Variants in UNC5D observed in about 807,000 individuals in gnomAD.
UNC5D encodes netrin receptor UNC5D.
UNC5D carries 39 observed loss-of-function variants against 105.4 expected under a neutral mutation model. The observed-to-expected ratio is 0.37, with a 90% CI of 0.29 to 0.48. UNC5D has a LOEUF of 0.48. Ranked by LOEUF, UNC5D falls within the 20% of genes least tolerant of loss-of-function variation. The pLI is 0.98. For missense variants in UNC5D, 991 were observed against 1,202.4 expected (o/e 0.82, Z 2.60); for synonymous variants, 452 against 450.4 (o/e 1.00, Z -0.04).
intron 2 of UNC5D, among the ~76,000 whole-genome samples, chr8:35,566,065 T>C (rs377571740): frequency 1.3e-5 from 2 of 152,138 alleles, no homozygotes; most frequent in African/African-American, 4.8e-5. Context: ...GATTTAGGAG[T>C]TGGCTTTCTG....
chr8:35,270,005 G>C (rs1805165778), intron 1 of UNC5D, among the ~76,000 whole-genome samples: 1 of 152,152 alleles, frequency 6.6e-6, no homozygotes, highest in Non-Finnish European at 1.5e-5. Context: ...GTTTGGAGTA[G>C]GATGGGAGAA....
At chr8:35,429,205 A>G (rs1806458742) in intron 1 of UNC5D, among the ~76,000 whole-genome samples, 1 of 152,182 alleles carries the variant, frequency 6.6e-6, no homozygotes, top group Admixed American at 6.5e-5. Context: ...ATAATGAAGA[A>G]CTAAGGAATC....
chr8:35,527,935 A>G (rs1377409922), intron 1 of UNC5D, among the ~76,000 whole-genome samples: 3 of 152,078 alleles, frequency 2.0e-5, no homozygotes, highest in Admixed American at 1.3e-4. Flanking sequence ...CGAATTGAGC[A>G]TCAGAATTTC....
At chr8:35,556,154 A>G (rs554177909) in intron 2 of UNC5D, among the ~76,000 whole-genome samples, 1 of 152,304 alleles carries the variant, frequency 6.6e-6, no homozygotes, top group African/African-American at 2.4e-5. Flanking sequence ...GTGTACAGCA[A>G]TTGCTCAGTC....
At chr8:35,708,737 C>G (rs1827758758) in intron 8 of UNC5D, among the ~76,000 whole-genome samples, 1 of 152,150 alleles carries the variant, frequency 6.6e-6, no homozygotes, top group Non-Finnish European at 1.5e-5. Flanking sequence ...TATACAGTCT[C>G]TCTTCATCTC....
intron 1 of UNC5D, among the ~76,000 whole-genome samples, chr8:35,330,454 A>G (rs1184534303): frequency 2.0e-5 from 3 of 152,230 alleles, no homozygotes; most frequent in African/African-American, 7.2e-5. Context: ...TAATAAAACC[A>G]GAAGTGGTGA....
In UNC5D at chr8:35,683,443, T is replaced by G. The variant is rs1184573141; in HGVS notation, c.571-104T>G. 5 of 1,177,870 alleles carry G rather than the reference T, an allele frequency of 4.2e-6. No homozygotes were observed. In the African/African-American group the frequency reaches 6.5e-5, roughly 15 times the overall value. The allele number at this position is 1,177,870 out of a possible 1,614,324, so 73.0% of individuals were successfully genotyped here. ...AACCAATCATTGCTGTTGCTCTATA[T>G]TTTAGATACATCTCTCTCCCACACC... On this transcript the variant is annotated intron_variant, in intron 4 of 16. Transcript: ENST00000404895.
intron 1 of UNC5D, among the ~76,000 whole-genome samples, chr8:35,361,464 A>G (rs895402913): frequency 6.6e-6 from 1 of 152,172 alleles, no homozygotes; most frequent in South Asian, 2.1e-4. Context: ...AAAGTCGCAA[A>G]AAAGGTCATT....
rs116175036 is a variant in UNC5D, at chr8:35,419,274, C to T, written c.104-130018C>T. 5.6e-3 allele frequency among the ~76,000 whole-genome samples: 856 copies of T among 152,280 alleles called. 5 individuals are homozygous for T. The highest frequency in any genetic ancestry group is 0.027 in the Middle Eastern group (8 of 294). ...CTGCTTCACCAGCCAGAAATCTCTGCGGCCAGTGATGCCTCTGCCCAGGCT... is the reference window on the plus strand; with the variant it reads ...CTGCTTCACCAGCCAGAAATCTCTGTGGCCAGTGATGCCTCTGCCCAGGCT... On this transcript the variant is annotated intron_variant, in intron 1 of 16. Coordinates refer to ENST00000404895, the MANE Select transcript of UNC5D (RefSeq NM_080872.4).
intron 4 of UNC5D, among the ~76,000 whole-genome samples, chr8:35,681,971 T>G (rs542577324): frequency 3.7e-4 from 54 of 145,516 alleles, no homozygotes; most frequent in East Asian, 2.6e-3. Context: ...GACCTTTTTT[T>G]GGGGGGAGGG....
intron 1 of UNC5D, among the ~76,000 whole-genome samples, chr8:35,283,862 A>G (rs141313576): frequency 1.6e-4 from 25 of 152,176 alleles, no homozygotes; most frequent in African/African-American, 5.8e-4. Context: ...TTGTTTTAGA[A>G]TGGGGCCCAG....
In UNC5D at chr8:35,549,541, T is replaced by C. The variant is rs897744491; in HGVS notation, c.322+31T>C. On this transcript the variant is annotated intron_variant, in intron 2 of 16. Coordinates refer to ENST00000404895, the MANE Select transcript of UNC5D (RefSeq NM_080872.4). ...AGCGTGCAGCAGTCAGAAGCAGCTG[T>C]GGTGACTCTTTAGGTTCTCCTGTGG... 2.5e-6 allele frequency: 4 copies of C among 1,594,070 alleles called. No homozygotes were observed. In the African/African-American group the frequency reaches 5.4e-5, roughly 21 times the overall value.
chr8:35,359,950 C>G (rs1279071052), intron 1 of UNC5D, among the ~76,000 whole-genome samples: 1 of 152,136 alleles, frequency 6.6e-6, no homozygotes, highest in South Asian at 2.1e-4. Flanking sequence ...TAATTAGGCT[C>G]TCAGGTATAG....
At chr8:35,311,801 G>A (rs951491529) in intron 1 of UNC5D, among the ~76,000 whole-genome samples, 2 of 152,120 alleles carry the variant, frequency 1.3e-5, no homozygotes, top group African/African-American at 4.8e-5. Flanking sequence ...ACAGATCAAA[G>A]TTATTTTAAA....
At chr8:35,765,022 A>G (rs1281225693) in intron 14 of UNC5D, among the ~76,000 whole-genome samples, 1 of 152,218 alleles carries the variant, frequency 6.6e-6, no homozygotes, top group Non-Finnish European at 1.5e-5. Context: ...GTATTAGAAA[A>G]CCAGTCAGGT....
At chr8:35,474,024 T>G (rs1038520216) in intron 1 of UNC5D, among the ~76,000 whole-genome samples, 1 of 152,142 alleles carries the variant, frequency 6.6e-6, no homozygotes, top group African/African-American at 2.4e-5. Context: ...ATGAGGACGG[T>G]GCCTTCATGA....
At chr8:35,749,513 T>C (rs1830161548) in intron 12 of UNC5D, among the ~76,000 whole-genome samples, 1 of 152,226 alleles carries the variant, frequency 6.6e-6, no homozygotes, top group South Asian at 2.1e-4. Flanking sequence ...AGGAAAATCA[T>C]GTTTCTTTAG....
intron 13 of UNC5D, 56 bp downstream of exon 13, chr8:35,750,865 A>T: frequency 6.2e-7 from 1 of 1,600,056 alleles, no homozygotes; most frequent in African/African-American, 1.3e-5. Flanking sequence ...GTGTTTTCCA[A>T]AAGATCAGTA....
Position 35,596,013 on chromosome 8 carries a change from C to CA in UNC5D, c.570+359dup, listed in dbSNP as rs75687705. 4.6e-5 allele frequency among the ~76,000 whole-genome samples: 7 copies of CA among 152,216 alleles called. No individual in the cohort carries two copies. The East Asian group carries it at 1.4e-3, about 29-fold the overall frequency. Reference sequence around the variant, plus strand: ...TGGAACAAATCTGAGCTGTAACAGGCAAACACACATGAAAAAGCCCATAGG... The same window carrying CA: ...TGGAACAAATCTGAGCTGTAACAGGCAAAACACACATGAAAAAGCCCATAGG... On this transcript the variant is annotated intron_variant, in intron 4 of 16. Coordinates refer to ENST00000404895, the MANE Select transcript of UNC5D (RefSeq NM_080872.4).
Sources: gnomAD v4.1 joint callset for allele counts (sites outside exome capture counted in the v4.1 genomes callset) on GRCh38, gnomAD v4.1.1 for gene constraint, MANE v1.5 for transcripts, NCBI Gene and HGNC (gene_info 2026-07-23, HGNC 2026-07-21) for gene names.